CHRM3: variants seen among roughly 807,000 people sequenced by gnomAD.
CHRM3 encodes muscarinic acetylcholine receptor M3.
Under a neutral mutation model 41.8 loss-of-function variants are expected in CHRM3, and 11 were observed. That is an observed-to-expected ratio of 0.26 (90% CI 0.17 to 0.44). The LOEUF is 0.44. CHRM3 is among the 20% of genes least tolerant of loss of function. The probability of loss-of-function intolerance (pLI) is 1.00; values close to 1 mark genes in which losing one functional copy is unlikely to be tolerated. For synonymous variants in CHRM3, 297 were observed against 301.4 expected (o/e 0.99, Z 0.15); for missense variants, 571 against 745.4 (o/e 0.77, Z 2.72).
At chr1:239,582,022 T>A (rs1357127736) in intron 3 of CHRM3, among the ~76,000 whole-genome samples, 4 of 152,230 alleles carry the variant, frequency 2.6e-5, no homozygotes, top group Non-Finnish European at 5.9e-5. Flanking sequence ...CAGGATTTTT[T>A]AACCTAAGTA....
At chr1:239,501,359 A>G (rs1432174017) in intron 2 of CHRM3, among the ~76,000 whole-genome samples, 2 of 152,250 alleles carry the variant, frequency 1.3e-5, no homozygotes, top group Non-Finnish European at 2.9e-5. Context: ...TTTCCTAAAG[A>G]TAGACCATAT....
intron 5 of CHRM3, among the ~76,000 whole-genome samples, chr1:239,754,924 C>A (rs1298577248): frequency 6.6e-6 from 1 of 152,108 alleles, no homozygotes; most frequent in Non-Finnish European, 1.5e-5. Context: ...CAATCTAATT[C>A]TCATGTTAAG....
At chr1:239,728,319 G>A (rs1663637694) in intron 5 of CHRM3, among the ~76,000 whole-genome samples, 1 of 151,884 alleles carries the variant, frequency 6.6e-6, no homozygotes, top group Non-Finnish European at 1.5e-5. Context: ...TTAGGAGTTC[G>A]GGCAAAAATA....
At chr1:239,503,993 G>A (rs1452749774) in intron 2 of CHRM3, among the ~76,000 whole-genome samples, 1 of 152,090 alleles carries the variant, frequency 6.6e-6, no homozygotes, top group Non-Finnish European at 1.5e-5. Flanking sequence ...AATCCTTCTA[G>A]ACATTGGCTT....
rs75371371 is a variant in CHRM3 at position 239,904,452 on chromosome 1, A to G, written c.-19-2981A>G. 1.9e-3 allele frequency among the ~76,000 whole-genome samples: 296 copies of G among 152,332 alleles called. 3 individuals are homozygous for G. The East Asian group carries it at 0.022, about 11-fold the overall frequency. On this transcript the variant is annotated intron_variant, in intron 6 of 6. Coordinates refer to ENST00000676153, the MANE Select transcript of CHRM3 (RefSeq NM_001375978.1). ...GGCACATCTGTCCTTGTGAATATAC[A>G]TAGTCACAGGTGCAATGGAGAGATA...
At chr1:239,571,882 C>G (rs1007392839) in intron 3 of CHRM3, among the ~76,000 whole-genome samples, 1 of 152,098 alleles carries the variant, frequency 6.6e-6, no homozygotes, top group African/African-American at 2.4e-5. Context: ...AGAGTTCAAC[C>G]TCTTGATACT....
At chr1:239,846,198 T>C (rs1674248716) in intron 6 of CHRM3, among the ~76,000 whole-genome samples, 1 of 152,154 alleles carries the variant, frequency 6.6e-6, no homozygotes, top group African/African-American at 2.4e-5. Flanking sequence ...CTTTCCGACA[T>C]AGATGGTAGC....
intron 6 of CHRM3, among the ~76,000 whole-genome samples, chr1:239,870,463 T>C (rs114230859): frequency 0.029 from 4,461 of 152,224 alleles, 230 homozygotes; most frequent in African/African-American, 0.1. Flanking sequence ...AACCCACCCC[T>C]TCCCGGGAGC....
intron 5 of CHRM3, among the ~76,000 whole-genome samples, chr1:239,686,808 G>C (rs901560786): frequency 6.6e-6 from 1 of 152,152 alleles, no homozygotes; most frequent in Admixed American, 6.6e-5. Context: ...ACATTCTGGA[G>C]CATTCAGAAA....
chr1:239,890,218 T>C (rs960701484), intron 6 of CHRM3, among the ~76,000 whole-genome samples: 3 of 152,024 alleles, frequency 2.0e-5, no homozygotes, highest in African/African-American at 7.2e-5. Context: ...GGAGAATCGC[T>C]TGAACCTGGG....
chr1:239,574,914 CTTTTA>C (rs1215363527), intron 3 of CHRM3, among the ~76,000 whole-genome samples: 3 of 152,074 alleles, frequency 2.0e-5, no homozygotes, highest in East Asian at 3.9e-4. Context: ...AGGTAACAAT[CTTTTA>C]TTTTATTTTA....
chr1:239,391,197 C>A (rs1372510691), intron 1 of CHRM3, among the ~76,000 whole-genome samples: 2 of 152,120 alleles, frequency 1.3e-5, no homozygotes, highest in East Asian at 3.9e-4. Flanking sequence ...AATATTAAAC[C>A]ATAATGTGGC....
chr1:239,512,431 C>T (rs373383600), intron 2 of CHRM3, among the ~76,000 whole-genome samples: 2 of 152,270 alleles, frequency 1.3e-5, no homozygotes, highest in Non-Finnish European at 2.9e-5. Context: ...GTGAAGCAGC[C>T]GAGACCTGGG....
chr1:239,618,638 AT>A (rs1387905627), intron 3 of CHRM3, among the ~76,000 whole-genome samples: 3 of 151,372 alleles, frequency 2.0e-5, no homozygotes, highest in Admixed American at 6.6e-5. Context: ...AGGTCAGGAG[AT>A]CGAGACCATC....
At chr1:239,723,728 T>G (rs1663184917) in intron 5 of CHRM3, among the ~76,000 whole-genome samples, 1 of 151,868 alleles carries the variant, frequency 6.6e-6, no homozygotes, top group East Asian at 1.9e-4. Context: ...TGTGTAGAAT[T>G]AGAGTAGGAG....
At chr1:239,530,455 T>C (rs1670324889) in intron 2 of CHRM3, among the ~76,000 whole-genome samples, 1 of 152,266 alleles carries the variant, frequency 6.6e-6, no homozygotes, top group African/African-American at 2.4e-5. Context: ...TGAAAAATAC[T>C]AAGAAAATGG....
intron 5 of CHRM3, among the ~76,000 whole-genome samples, chr1:239,700,687 C>T (rs1269503373): frequency 2.6e-5 from 4 of 152,114 alleles, no homozygotes; most frequent in Admixed American, 6.5e-5. Flanking sequence ...CCCGCAGACT[C>T]GTTTTTGGTC....
intron 2 of CHRM3, among the ~76,000 whole-genome samples, chr1:239,522,188 A>G (rs544776743): frequency 2.0e-5 from 3 of 152,340 alleles, no homozygotes; most frequent in African/African-American, 7.2e-5. Flanking sequence ...ACCATGTCAC[A>G]AAAGCCTTTG....
chr1:239,410,934 C>T (rs143156870), intron 1 of CHRM3, among the ~76,000 whole-genome samples: 1 of 152,264 alleles, frequency 6.6e-6, no homozygotes, highest in African/African-American at 2.4e-5. Context: ...CTGCTGTGGG[C>T]GTCCTTAAAT....
Sources: gnomAD v4.1 joint callset for allele counts (sites outside exome capture counted in the v4.1 genomes callset) on GRCh38, gnomAD v4.1.1 for gene constraint, MANE v1.5 for transcripts, NCBI Gene and HGNC (gene_info 2026-07-23, HGNC 2026-07-21) for gene names.